DOK6: variants seen among roughly 807,000 people sequenced by gnomAD.
The protein encoded by DOK6 is downstream of tyrosine kinase 6.
DOK6 carries 22 observed loss-of-function variants against 44.0 expected under a neutral mutation model. The ratio of observed to expected loss-of-function variants is 0.50; its 90% CI spans 0.36 to 0.71. DOK6 has a LOEUF of 0.71. DOK6 is among the 30% of genes least tolerant of loss of function. The probability of loss-of-function intolerance (pLI) is 0.00; values close to 1 mark genes in which losing one functional copy is unlikely to be tolerated. For missense variants in DOK6, 340 were observed against 416.4 expected (o/e 0.82, Z 1.60); for synonymous variants, 166 against 145.5 (o/e 1.14, Z -1.01).
intron 5 of DOK6, among the ~76,000 whole-genome samples, chr18:69,716,657 AGTT>A (rs1271964755): frequency 7.2e-6 from 1 of 139,036 alleles, no homozygotes; most frequent in East Asian, 2.3e-4. Context: ...AGTTGCTCAT[AGTT>A]GTTTTGGATA....
intron 1 of DOK6, among the ~76,000 whole-genome samples, chr18:69,541,103 A>T (rs73452065): frequency 0.072 from 10,994 of 152,136 alleles, 1,381 homozygotes; most frequent in African/African-American, 0.25. Context: ...AGTATGTTTA[A>T]TTGTTCCTTT....
At chr18:69,633,843 C>CA (rs1229884771) in intron 3 of DOK6, among the ~76,000 whole-genome samples, 5 of 151,976 alleles carry the variant, frequency 3.3e-5, no homozygotes. Context: ...CAACTCTAAA[C>CA]AAAAAAGTCC....
At chr18:69,500,334 G>T (rs764622735) in intron 1 of DOK6, among the ~76,000 whole-genome samples, 5 of 152,014 alleles carry the variant, frequency 3.3e-5, no homozygotes, top group Non-Finnish European at 5.9e-5. Context: ...CCATTCTTCT[G>T]CATGGACAAA....
intron 1 of DOK6, among the ~76,000 whole-genome samples, chr18:69,490,865 A>G (rs1202683252): frequency 6.6e-6 from 1 of 152,168 alleles, no homozygotes; most frequent in African/African-American, 2.4e-5. Flanking sequence ...CTAATTTCCA[A>G]GTGGGTTGAA....
chr18:69,768,745 G>A (rs1979794523), intron 7 of DOK6, among the ~76,000 whole-genome samples: 1 of 151,614 alleles, frequency 6.6e-6, no homozygotes, highest in African/African-American at 2.4e-5. Context: ...GTTGATTTAA[G>A]CCTGGATATG....
At chr18:69,686,605 G>A (rs1265278248) in intron 4 of DOK6, among the ~76,000 whole-genome samples, 1 of 152,036 alleles carries the variant, frequency 6.6e-6, no homozygotes, top group Non-Finnish European at 1.5e-5. Context: ...CCCATCTGCT[G>A]TAATGGAAAC....
chr18:69,411,279 A>G (rs1453967625), intron 1 of DOK6, among the ~76,000 whole-genome samples: 1 of 152,190 alleles, frequency 6.6e-6, no homozygotes, highest in Non-Finnish European at 1.5e-5. Context: ...GTAGTGTTCT[A>G]AGAAGCTGGG....
intron 7 of DOK6, among the ~76,000 whole-genome samples, chr18:69,770,412 C>A (rs578173502): frequency 2.6e-5 from 4 of 152,232 alleles, no homozygotes; most frequent in South Asian, 2.1e-4. Context: ...AATCTCTACC[C>A]TTCTGCCCAA....
At chr18:69,603,913 G>A (rs1326784181) in intron 3 of DOK6, among the ~76,000 whole-genome samples, 3 of 151,624 alleles carry the variant, frequency 2.0e-5, no homozygotes, top group Non-Finnish European at 4.4e-5. Flanking sequence ...GTTATTATAC[G>A]ATTTATTCTC....
intron 1 of DOK6, among the ~76,000 whole-genome samples, chr18:69,409,464 G>A (rs1371616738): frequency 6.6e-6 from 1 of 152,104 alleles, no homozygotes; most frequent in Non-Finnish European, 1.5e-5. Flanking sequence ...CATATATAAT[G>A]TGCTATATAT....
At chr18:69,661,672 T>A (rs1266336938) in intron 3 of DOK6, 1 of 152,244 alleles carries the variant, frequency 6.6e-6, no homozygotes, top group Non-Finnish European at 1.5e-5. Context: ...TGCAACATGA[T>A]TCAATCTGGT....
At chr18:69,474,771 A>C (rs1310381240) in intron 1 of DOK6, among the ~76,000 whole-genome samples, 1 of 152,236 alleles carries the variant, frequency 6.6e-6, no homozygotes, top group African/African-American at 2.4e-5. Context: ...CAGAGCTAGA[A>C]TAATTCTTGT....
chr18:69,572,702 A>G (rs1156486525), intron 2 of DOK6, among the ~76,000 whole-genome samples: 1 of 152,022 alleles, frequency 6.6e-6, no homozygotes, highest in African/African-American at 2.4e-5. Context: ...GAGAAATAAC[A>G]TTAAGAGTAG....
Position 69,806,886 on chromosome 18 carries a change from T to A in DOK6, c.857-34358T>A, listed in dbSNP as rs1225101529. ...TCATGTATTCATATGGAAAGTAGAA[T>A]CAATATTGGACTTACATCAAGTTTT... On this transcript the variant is annotated intron_variant, in intron 7 of 7. Coordinates refer to ENST00000382713, the MANE Select transcript of DOK6 (RefSeq NM_152721.6). Among the ~76,000 whole-genome samples the A allele has an allele frequency of 3.9e-5, 6 of 152,000 alleles. No homozygotes were observed. In the East Asian group the frequency reaches 9.6e-4, roughly 24 times the overall value.
chr18:69,478,955 A>C (rs886260073), intron 1 of DOK6, among the ~76,000 whole-genome samples: 1 of 152,222 alleles, frequency 6.6e-6, no homozygotes, highest in Non-Finnish European at 1.5e-5. Flanking sequence ...TATAGATTTC[A>C]ATTAACATAA....
At chr18:69,609,885 A>G (rs1402855527) in intron 3 of DOK6, among the ~76,000 whole-genome samples, 1 of 152,238 alleles carries the variant, frequency 6.6e-6, no homozygotes, top group Non-Finnish European at 1.5e-5. Flanking sequence ...AACATGGATG[A>G]ATCTTGAGAG....
chr18:69,441,179 G>C (rs993603597), intron 1 of DOK6, among the ~76,000 whole-genome samples: 1 of 151,982 alleles, frequency 6.6e-6, no homozygotes, highest in African/African-American at 2.4e-5. Flanking sequence ...ATGAATACCA[G>C]ATGAAGTTAA....
intron 4 of DOK6, among the ~76,000 whole-genome samples, chr18:69,691,883 A>G (rs1394567824): frequency 1.3e-5 from 2 of 152,052 alleles, no homozygotes; most frequent in Non-Finnish European, 2.9e-5. Context: ...AGCAGGGGAG[A>G]TATCTGAGGT....
At chr18:69,700,005 C>T (rs1986477287) in intron 5 of DOK6, among the ~76,000 whole-genome samples, 1 of 151,830 alleles carries the variant, frequency 6.6e-6, no homozygotes, top group Non-Finnish European at 1.5e-5. Context: ...AGAATGAAGC[C>T]AAGTGAAAGG....
Sources: gnomAD v4.1 joint callset for allele counts (sites outside exome capture counted in the v4.1 genomes callset) on GRCh38, gnomAD v4.1.1 for gene constraint, MANE v1.5 for transcripts, NCBI Gene and HGNC (gene_info 2026-07-23, HGNC 2026-07-21) for gene names.